Variants in LRRN3 observed in about 807,000 individuals in gnomAD.
LRRN3 encodes the protein leucine-rich repeat neuronal protein 3.
In LRRN3, 15 loss-of-function variants were observed where a neutral mutation model predicts 40.1. The observed-to-expected ratio is 0.37, with a 90% CI of 0.25 to 0.58. LRRN3 has a LOEUF of 0.58. Ranked by LOEUF, LRRN3 falls within the 20% of genes least tolerant of loss-of-function variation. LRRN3 has a pLI of 0.72. For synonymous variants in LRRN3, 308 were observed against 297.2 expected (o/e 1.04, Z -0.37); for missense variants, 746 against 837.7 (o/e 0.89, Z 1.35).
intron 2 of LRRN3, among the ~76,000 whole-genome samples, chr7:111,110,549 A>C (rs975214761): frequency 1.3e-5 from 2 of 152,204 alleles, no homozygotes; most frequent in Admixed American, 1.3e-4. Context: ...GTTGAGCTCC[A>C]AGCCCAAAAT....
chr7:111,091,157 G>GCACC lies in LRRN3; in HGVS notation c.-787_-784dup, dbSNP rs1796819535. On this transcript the variant is annotated 5_prime_UTR_variant, in exon 1 of 3. It removes the in-frame stop codon of an upstream open reading frame in the 5' UTR. Coordinates refer to ENST00000308478, the MANE Select transcript of LRRN3 (RefSeq NM_001099658.2). The stretch of plus-strand genomic sequence containing the variant: ...TGTGACAACTGATCGGGTGAACGAT[G>GCACC]CACCACTAACCACCATGGAAACAAG... 6.6e-6 allele frequency: 1 copy of GCACC among 152,146 alleles called. No homozygotes were observed. The highest frequency in any genetic ancestry group is 2.4e-5 in the African/African-American group (1 of 41,414). 9.4% of individuals were successfully genotyped at this position (152,146 alleles called of 1,614,324 possible). A position where few individuals can be genotyped will look rare whatever the true frequency, so the allele number is the denominator to read the frequency against.
intron 2 of LRRN3, among the ~76,000 whole-genome samples, chr7:111,102,864 A>G (rs1307350855): frequency 6.6e-6 from 1 of 151,564 alleles, no homozygotes; most frequent in Non-Finnish European, 1.5e-5. Flanking sequence ...AATCTTTGAA[A>G]TTATAAATCT....
chr7:111,112,603 C>CT (rs538424328), intron 2 of LRRN3, among the ~76,000 whole-genome samples: 250 of 152,216 alleles, frequency 1.6e-3, no homozygotes, highest in African/African-American at 4.9e-3. Flanking sequence ...ATTTTTAAAA[C>CT]TTTTTTGTAT....
At chr7:111,104,028 A>G (rs1214355642) in intron 2 of LRRN3, among the ~76,000 whole-genome samples, 1 of 151,670 alleles carries the variant, frequency 6.6e-6, no homozygotes, top group Non-Finnish European at 1.5e-5. Flanking sequence ...TACTCCTGTA[A>G]TATGTGTGTG....
chr7:111,110,514 G>C (rs1468797040), intron 2 of LRRN3, among the ~76,000 whole-genome samples: 1 of 152,052 alleles, frequency 6.6e-6, no homozygotes, highest in Non-Finnish European at 1.5e-5. Context: ...TCATGAAAAA[G>C]TTTTATTCGT....
intron 2 of LRRN3, among the ~76,000 whole-genome samples, chr7:111,106,919 G>A (rs1026737837): frequency 2.6e-5 from 4 of 151,756 alleles, no homozygotes; most frequent in Admixed American, 1.3e-4. Flanking sequence ...GTACCATGCA[G>A]AATGATTTGC....
chr7:111,119,619 T>C (rs1420117368), intron 2 of LRRN3, among the ~76,000 whole-genome samples: 1 of 152,194 alleles, frequency 6.6e-6, no homozygotes, highest in African/African-American at 2.4e-5. Context: ...TTAAAACAGA[T>C]TTACTGAAAT....
intron 2 of LRRN3, among the ~76,000 whole-genome samples, chr7:111,121,027 C>T (rs1424416668): frequency 2.7e-5 from 4 of 150,480 alleles, no homozygotes; most frequent in Non-Finnish European, 4.4e-5. Context: ...GAAAATATAA[C>T]AAATAAAATT....
intron 2 of LRRN3, among the ~76,000 whole-genome samples, chr7:111,113,537 A>G (rs1799492856): frequency 6.6e-6 from 1 of 152,036 alleles, no homozygotes; most frequent in Admixed American, 6.6e-5. Context: ...TTTTTCTTTT[A>G]ACTATACCAG....
chr7:111,113,399 A>G (rs1183893553), intron 2 of LRRN3, among the ~76,000 whole-genome samples: 2 of 151,512 alleles, frequency 1.3e-5, no homozygotes, highest in Non-Finnish European at 2.9e-5. Context: ...TTTTTTTTGT[A>G]TACATGTCTA....
At chr7:111,094,021 CA>C (rs1446152625) in intron 1 of LRRN3, among the ~76,000 whole-genome samples, 1 of 152,040 alleles carries the variant, frequency 6.6e-6, no homozygotes, top group African/African-American at 2.4e-5. Flanking sequence ...TAGTGACCTA[CA>C]AAAAAGGTGA....
Position 111,123,869 on chromosome 7 carries a change from A to G in LRRN3, c.1097A>G (p.His366Arg), listed in dbSNP as rs754578825. Residue 366 changes from histidine (H) to arginine (R), a missense_variant, in exon 3 of 3, where the codon CAC becomes CGC. Transcript: ENST00000308478. The surrounding 1 kb of genome is among the most constrained non-coding windows in gnomAD (Gnocchi z 6.4). ...CCAAACCTCAAGGAAATCAGCATAC[A>G]CAGTAACCCCATCAGGTGTGACTGT... is the stretch of plus-strand genomic sequence containing the variant. The part of the protein sequence containing the change: ...SLPNLKEISI[H>R]SNPIRCDCVI... The G allele has an allele frequency of 1.9e-6, 3 of 1,614,040 alleles. No individual in the cohort carries two copies. The highest frequency in any genetic ancestry group is 1.7e-6 in the Non-Finnish European group (2 of 1,179,996).
intron 1 of LRRN3, among the ~76,000 whole-genome samples, chr7:111,093,046 C>CA (rs899885977): frequency 7.2e-5 from 11 of 151,952 alleles, no homozygotes; most frequent in Admixed American, 4.6e-4. Flanking sequence ...ATAAATGTGT[C>CA]AAAAAAATGA....
chr7:111,118,341 A>G (rs1800145999), intron 2 of LRRN3, among the ~76,000 whole-genome samples: 1 of 152,180 alleles, frequency 6.6e-6, no homozygotes, highest in South Asian at 2.1e-4. Context: ...AAGGAAAAGT[A>G]GCTTTATCCA....
At chr7:111,110,317 A>C (rs921925384) in intron 2 of LRRN3, among the ~76,000 whole-genome samples, 10 of 152,082 alleles carry the variant, frequency 6.6e-5, no homozygotes, top group Admixed American at 6.6e-4. Flanking sequence ...AAACCTCAAA[A>C]CTAATATTTT....
chr7:111,123,838 T>A lies in LRRN3; in HGVS notation c.1066T>A (p.Ser356Thr). 1 of 1,613,872 alleles carries A rather than the reference T, an allele frequency of 6.2e-7. No individual in the cohort carries two copies. Among genetic ancestry groups the A allele is most frequent in the Non-Finnish European group, 8.5e-7 (1 of 1,179,924 alleles). The change falls in exon 3 of 3, where the codon TCT becomes ACT. Residue 356 changes from serine (S) to threonine (T), a missense_variant. Ser to Thr is a moderately conservative substitution (Grantham distance 58). Transcript: ENST00000308478. This position sits in a 1 kb window ranked among gnomAD's most constrained non-coding sequence, Gnocchi z 6.4. ...LSALYHGTIE[S>T]LPNLKEISIH... is the part of the protein sequence containing the mutation. ...TGCCCTGTACCATGGTACCATTGAG[T>A]CTCTGCCAAACCTCAAGGAAATCAG...
At chr7:111,108,061 T>G (rs1798749689) in intron 2 of LRRN3, among the ~76,000 whole-genome samples, 1 of 152,154 alleles carries the variant, frequency 6.6e-6, no homozygotes, top group Admixed American at 6.6e-5. Context: ...TTGTTGTTGT[T>G]GTTGTTTTCT....
At position 111,123,603 on chromosome 7, in the gene LRRN3, G is replaced by A; in HGVS notation, c.831G>A (p.Arg277=). The A allele has an allele frequency of 1.2e-6, 2 of 1,613,184 alleles. No individual in the cohort carries two copies. The highest frequency in any genetic ancestry group is 1.7e-6 in the Non-Finnish European group (2 of 1,179,490). ...AAAATCCTATTAATAGAATACGAAGGGGTGATTTTAGCAATATGCTACACT... is the reference window on the plus strand; with the variant it reads ...AAAATCCTATTAATAGAATACGAAGAGGTGATTTTAGCAATATGCTACACT... ...LNKNPINRIR[R]GDFSNMLHLK... Residue 277 remains arginine (R), a synonymous_variant, in exon 3 of 3, where the codon AGG becomes AGA. Coordinates refer to ENST00000308478, the MANE Select transcript of LRRN3 (RefSeq NM_001099658.2). The surrounding 1 kb of genome is among the most constrained non-coding windows in gnomAD (Gnocchi z 6.4).
intron 2 of LRRN3, among the ~76,000 whole-genome samples, chr7:111,109,864 G>A (rs550792129): frequency 2.0e-5 from 3 of 152,150 alleles, no homozygotes; most frequent in Non-Finnish European, 4.4e-5. Flanking sequence ...GGCTGGGCGC[G>A]GTGGCTCATG....
Sources: allele counts gnomAD v4.1 joint callset (sites outside exome capture counted in the v4.1 genomes callset), GRCh38; gene constraint gnomAD v4.1.1; non-coding constraint Gnocchi (gnomAD v3.1); transcripts MANE v1.5; gene names NCBI Gene and HGNC (gene_info 2026-07-23, HGNC 2026-07-21).